ST7L: variants seen among roughly 807,000 people sequenced by gnomAD.
The protein encoded by ST7L is suppression of tumorigenicity 7 like, also known as suppressor of tumorigenicity 7 protein-like.
A neutral mutation model predicts 72.5 loss-of-function variants in ST7L; 57 were observed. The observed-to-expected ratio is 0.79, with a 90% CI of 0.64 to 0.98. The LOEUF is 0.98. Among genes scored for constraint, ST7L ranks in the 50% least tolerant of loss-of-function variants. The probability of loss-of-function intolerance (pLI) is 0.00; values close to 1 mark genes in which losing one functional copy is unlikely to be tolerated. For missense variants in ST7L, 576 were observed against 672.2 expected, an observed-to-expected ratio of 0.86 and a Z score of 1.58; for synonymous variants, 221 against 240.9, an observed-to-expected ratio of 0.92 and a Z score of 0.77.
intron 12 of ST7L, 151 bp downstream of exon 12, chr1:112,555,717 T>A: frequency 1.6e-6 from 1 of 620,972 alleles, no homozygotes; most frequent in South Asian, 5.2e-5. Context: ...TTTCTACCAA[T>A]AAACCAAATA....
chr1:112,597,985 C>G lies in ST7L; in HGVS notation c.608G>C (p.Arg203Pro). ...TFFTCDTDFL[R>P]PSDTVMQKAW... ...ATGATACATACCTGTGTCTGAAGGACGTAAAAAATCTGTGTCACAGGTGAA... is the reference window on the plus strand; with the variant it reads ...ATGATACATACCTGTGTCTGAAGGAGGTAAAAAATCTGTGTCACAGGTGAA... Residue 203 changes from arginine (R) to proline (P), a missense_variant, in exon 5 of 15, where the codon CGT becomes CCT. By Grantham distance (103) the Arg-to-Pro change is moderately radical. Transcript: ENST00000358039. 6.2e-7 allele frequency: 1 copy of G among 1,612,046 alleles called. No individual in the cohort carries two copies. Among genetic ancestry groups the G allele is most frequent in the Non-Finnish European group, 8.5e-7 (1 of 1,179,138 alleles).
chr1:112,619,608 G>C, upstream of ST7L: 1 of 560,820 alleles, frequency 1.8e-6, no homozygotes, highest in Non-Finnish European at 3.2e-6. Context: ...GGAAATGAGT[G>C]TAACTCATTG....
At position 112,591,592 on chromosome 1, in the gene ST7L, C is replaced by T. The variant is rs757643936; in HGVS notation, c.634G>A (p.Ala212Thr). 4.3e-6 allele frequency: 7 copies of T among 1,610,146 alleles called. No homozygotes were observed. Among genetic ancestry groups the T allele is most frequent in the African/African-American group, 2.7e-5 (2 of 74,656 alleles). The change falls in exon 6 of 15, where the codon GCT becomes ACT. Residue 212 changes from alanine to threonine, a missense_variant. This residue lies in a region of ST7L where 511 missense variants were observed against 600.7 expected (regional missense o/e 0.85). Coordinates refer to ENST00000358039, the MANE Select transcript of ST7L (RefSeq NM_017744.5). ...GCTGGAGGATTTCTTTCCCTCCAAG[C>T]CTTCTGCATAACTGTAGAAAAAAAT... ...LRPSDTVMQK[A>T]WRERNPPARI...
At position 112,561,816 on chromosome 1, in the gene ST7L, C is replaced by T. The variant is rs374933601; in HGVS notation, c.1246-5798G>A. On this transcript the variant is annotated intron_variant, in intron 11 of 14. Transcript: ENST00000358039. ...TTGTTGTATGATATCATATTTAAAG[C>T]TGAGTTATTTCATAATATAGTAAAT... 3.1e-3 allele frequency among the ~76,000 whole-genome samples: 465 copies of T among 151,998 alleles called. 4 individuals are homozygous for T. Among genetic ancestry groups the T allele is most frequent in the African/African-American group, 0.011 (437 of 41,460 alleles).
chr1:112,610,629 T>C (rs1364319756), intron 3 of ST7L: 4 of 547,896 alleles, frequency 7.3e-6, no homozygotes, highest in Non-Finnish European at 1.2e-5. Flanking sequence ...GGGTCTCTCA[T>C]AAGGGCATTC....
chr1:112,573,348 CAAA>C (rs35107656), intron 11 of ST7L, among the ~76,000 whole-genome samples: 4 of 69,660 alleles, frequency 5.7e-5, no homozygotes, highest in Admixed American at 1.9e-4. Context: ...AACTCCCTCT[CAAA>C]AAAAAAAAAA....
At chr1:112,601,938 C>T (rs952149812) in intron 3 of ST7L, among the ~76,000 whole-genome samples, 3 of 151,898 alleles carry the variant, frequency 2.0e-5, no homozygotes, top group African/African-American at 7.3e-5. Flanking sequence ...ATTAGCTGGG[C>T]ATGGTGGTGC....
chr1:112,549,369 G>T (rs1030246683), intron 13 of ST7L, among the ~76,000 whole-genome samples: 1 of 152,042 alleles, frequency 6.6e-6, no homozygotes, highest in Non-Finnish European at 1.5e-5. Context: ...CTCCAGCCTG[G>T]GTGAGAGTGA....
intron 12 of ST7L, among the ~76,000 whole-genome samples, chr1:112,552,207 A>G (rs1658321208): frequency 6.6e-6 from 1 of 152,108 alleles, no homozygotes; most frequent in African/African-American, 2.4e-5. Flanking sequence ...AGGCATGGGA[A>G]TATCTTGCAA....
intron 11 of ST7L, chr1:112,571,416 T>C (rs1447941130): frequency 8.0e-6 from 3 of 377,188 alleles, no homozygotes; most frequent in Admixed American, 3.4e-5. Flanking sequence ...TATCTATCTA[T>C]ATATCTATAT....
chr1:112,619,413 C>CA (rs1437159532), upstream of ST7L: 2 of 543,790 alleles, frequency 3.7e-6, no homozygotes, highest in East Asian at 3.0e-5. Context: ...CACCGCCCCC[C>CA]CCCCGGGGTT....
At chr1:112,556,900 G>A (rs9659332) in intron 11 of ST7L, among the ~76,000 whole-genome samples, 2,943 of 146,748 alleles carry the variant, frequency 0.02, 103 homozygotes, top group African/African-American at 0.07. Context: ...CCCGGGAGGC[G>A]GAGGTTGCAG....
the ST7L span, chr1:112,518,319 C>G: frequency 6.6e-6 from 1 of 152,178 alleles, no homozygotes; most frequent in African/African-American, 2.4e-5. Flanking sequence ...GGCTCCCAGG[C>G]TCTTTTCTAC....
At position 112,610,567 on chromosome 1, in the gene ST7L, C is replaced by T. The variant is rs140760325; in HGVS notation, c.451+274G>A. On this transcript the variant is annotated intron_variant, in intron 3 of 14. Coordinates refer to ENST00000358039, the MANE Select transcript of ST7L (RefSeq NM_017744.5). ...GAGGGTCTGCTTTCTGGTTCACAGA[C>T]GGCGCCTTCTCGTGGTGTCCTCCCA... 2.6e-4 allele frequency: 88 copies of T among 339,220 alleles called. 1 individual carries two copies. The highest frequency in any genetic ancestry group is 1.1e-3 in the African/African-American group (54 of 47,234). 21.0% of individuals were successfully genotyped at this position (339,220 alleles called of 1,614,324 possible).
chr1:112,611,780 G>A (rs532920265), intron 2 of ST7L, among the ~76,000 whole-genome samples: 2 of 151,968 alleles, frequency 1.3e-5, no homozygotes, highest in Non-Finnish European at 2.9e-5. Flanking sequence ...GGACAAAACA[G>A]TGAGACCTCA....
At chr1:112,582,803 A>G (rs1664328166) in intron 7 of ST7L, among the ~76,000 whole-genome samples, 1 of 152,198 alleles carries the variant, frequency 6.6e-6, no homozygotes, top group East Asian at 1.9e-4. Flanking sequence ...AAAGAAATAC[A>G]TACATTATAG....
At chr1:112,531,884 C>G (rs1381678452) in intron 14 of ST7L, among the ~76,000 whole-genome samples, 1 of 152,194 alleles carries the variant, frequency 6.6e-6, no homozygotes, top group African/African-American at 2.4e-5. Context: ...CAAATCAAGA[C>G]AGGCCCTATT....
At chr1:112,551,772 C>G (rs971221163) in intron 12 of ST7L, among the ~76,000 whole-genome samples, 1 of 152,098 alleles carries the variant, frequency 6.6e-6, no homozygotes, top group Non-Finnish European at 1.5e-5. Context: ...AAATCTTTAA[C>G]GTTGTCAATA....
chr1:112,591,336 T>C (rs1665689365), intron 6 of ST7L, 189 bp downstream of exon 6: 2 of 551,934 alleles, frequency 3.6e-6, no homozygotes, highest in East Asian at 3.2e-5. Context: ...AAAGCATATA[T>C]AGATTTACAA....
Sources: allele counts gnomAD v4.1 joint callset (sites outside exome capture counted in the v4.1 genomes callset), GRCh38; gene constraint gnomAD v4.1.1; regional missense constraint gnomAD v4.1.1; transcripts MANE v1.5; gene names NCBI Gene and HGNC (gene_info 2026-07-23, HGNC 2026-07-21).